The following FOXP1 variants were observed in gnomAD, a reference collection of about 807,000 sequenced individuals.
FOXP1 encodes the protein forkhead box protein P1.
A neutral mutation model predicts 98.2 loss-of-function variants in FOXP1; 15 were observed. The observed-to-expected ratio is 0.15, with a 90% CI of 0.10 to 0.24. The LOEUF (loss-of-function observed/expected upper bound fraction) is 0.24, where lower values mean the gene tolerates loss of function less well. FOXP1 is among the 10% of genes least tolerant of loss of function. The pLI is 1.00. For missense variants in FOXP1, 633 were observed against 848.5 expected (o/e 0.75, Z 3.15); for synonymous variants, 371 against 314.5 (o/e 1.18, Z -1.90).
chr3:71,284,988 AACTTTCTATTCTATGTATGTAACAT>A lies in FOXP1; in HGVS notation c.-12+14807_-12+14831del, dbSNP rs376961655. On this transcript the variant is annotated intron_variant, in intron 5 of 20. Transcript: ENST00000649528. The stretch of plus-strand genomic sequence containing the variant: ...AATCAGAAAAAATTAACTTCATAAG[AACTTTCTATTCTATGTATGTAACAT>A]ACATAGAATATTATAATGAGAACTT... 1.0e-2 allele frequency among the ~76,000 whole-genome samples: 1,522 copies of A among 152,246 alleles called. 30 individuals carry two copies. The highest frequency in any genetic ancestry group is 0.034 in the African/African-American group (1,425 of 41,556).
chr3:71,341,615 C>T lies in FOXP1; in HGVS notation c.-73+17535G>A, dbSNP rs145859575. Among the ~76,000 whole-genome samples, 118 of 152,330 alleles carry T rather than the reference C, an allele frequency of 7.7e-4. 1 individual carries two copies. Among genetic ancestry groups the T allele is most frequent in the African/African-American group, 2.7e-3 (113 of 41,574 alleles). ...TCGGGAGGCTGAAGCAGGAGAATCA[C>T]TTGAACCCAGTAGGCGGAGGTTGCT... On this transcript the variant is annotated intron_variant, in intron 4 of 20. Transcript: ENST00000649528.
Position 71,248,577 on chromosome 3 carries a change from C to T in FOXP1, c.-11-50185G>A, listed in dbSNP as rs548637211. 2.6e-5 allele frequency among the ~76,000 whole-genome samples: 4 copies of T among 152,144 alleles called. No homozygotes were observed. The East Asian group carries it at 7.7e-4, about 29-fold the overall frequency. On this transcript the variant is annotated intron_variant, in intron 5 of 20. Transcript: ENST00000649528. Reference sequence around the variant, plus strand: ...CCAACATGGTGAAACCCTGTCTCTACTAAAAATACAAAAATTAGCCAGGCA... The same window carrying T: ...CCAACATGGTGAAACCCTGTCTCTATTAAAAATACAAAAATTAGCCAGGCA...
At chr3:71,283,469 G>A (rs1013030713) in intron 5 of FOXP1, among the ~76,000 whole-genome samples, 7 of 152,206 alleles carry the variant, frequency 4.6e-5, no homozygotes, top group Non-Finnish European at 8.8e-5. Context: ...GAGAAATGGG[G>A]AGAAGCTTCT....
intron 6 of FOXP1, among the ~76,000 whole-genome samples, chr3:71,138,242 A>C (rs2059913196): frequency 6.6e-6 from 1 of 152,184 alleles, no homozygotes; most frequent in Non-Finnish European, 1.5e-5. Context: ...TGGGATTTTT[A>C]ATATTTAGGA....
At chr3:71,399,757 G>A (rs2081824508) in intron 3 of FOXP1, among the ~76,000 whole-genome samples, 1 of 152,154 alleles carries the variant, frequency 6.6e-6, no homozygotes, top group African/African-American at 2.4e-5. Flanking sequence ...AACATTAGCA[G>A]GGGCAATTTT....
intron 7 of FOXP1, 40 bp from the exon 8 acceptor site, chr3:71,053,813 C>T (rs922432760): frequency 1.2e-6 from 2 of 1,612,454 alleles, no homozygotes; most frequent in African/African-American, 2.7e-5. Context: ...GCCAGGAAAT[C>T]AGAAGCACGC....
rs1212346450 is a variant in FOXP1, at chr3:71,583,619, CCCCGCGCGCGCCCACTCCCG to C, written c.-515_-496del. On this transcript the variant is annotated 5_prime_UTR_variant, in exon 1 of 21. Transcript: ENST00000649528. ...CAAACTAAGGTGTTTTCGGGCCTTT[CCCCGCGCGCGCCCACTCCCG>C]CCCGCGCGCGCACCCCGCGCACACA... 1 of 984,354 alleles carries C rather than the reference CCCCGCGCGCGCCCACTCCCG, an allele frequency of 1.0e-6. No homozygotes were observed. Among genetic ancestry groups the C allele is most frequent in the Non-Finnish European group, 1.2e-6 (1 of 829,660 alleles). The allele number at this position is 984,354 out of a possible 1,614,324, so 61.0% of individuals were successfully genotyped here.
Position 71,583,720 on chromosome 3 carries a change from C to T in FOXP1, c.-596G>A, listed in dbSNP as rs1368063094. ...CACTCCCGGGCGAGGGCCGGGCCGC[C>T]GCGAGTACAGCGTGCAACCGCCACA... On this transcript the variant is annotated 5_prime_UTR_variant, in exon 1 of 21. Transcript: ENST00000649528. 5.1e-6 allele frequency: 5 copies of T among 984,982 alleles called. No individual in the cohort carries two copies. The highest frequency in any genetic ancestry group is 6.0e-6 in the Non-Finnish European group (5 of 829,862). 61.0% of individuals were successfully genotyped at this position (984,982 alleles called of 1,614,324 possible).
chr3:70,961,266 T>C (rs927108737), intron 20 of FOXP1, among the ~76,000 whole-genome samples: 1 of 152,208 alleles, frequency 6.6e-6, no homozygotes, highest in South Asian at 2.1e-4. Context: ...AGTCGTGCTC[T>C]GTCACCCAGG....
At chr3:71,499,727 G>A (rs1382180759) in intron 2 of FOXP1, among the ~76,000 whole-genome samples, 1 of 152,208 alleles carries the variant, frequency 6.6e-6, no homozygotes, top group East Asian at 1.9e-4. Context: ...TGTTGCAAAT[G>A]GCACCAAAAT....
intron 2 of FOXP1, among the ~76,000 whole-genome samples, chr3:71,535,619 T>C (rs2044228191): frequency 6.6e-6 from 1 of 152,124 alleles, no homozygotes; most frequent in African/African-American, 2.4e-5. Flanking sequence ...TCCCAGCTAC[T>C]TGGGAGGCTG....
chr3:71,076,328 C>T (rs1368419246), intron 7 of FOXP1, among the ~76,000 whole-genome samples: 2 of 152,170 alleles, frequency 1.3e-5, no homozygotes, highest in African/African-American at 4.8e-5. Flanking sequence ...TCTTTTCTTA[C>T]CATCATTTGA....
chr3:71,203,996 A>T (rs2063843058), intron 5 of FOXP1, among the ~76,000 whole-genome samples: 3 of 131,134 alleles, frequency 2.3e-5, no homozygotes, highest in Non-Finnish European at 5.0e-5. Flanking sequence ...AAGGAAAAGA[A>T]TGTGAATTTC....
chr3:71,248,813 T>C (rs984449939), intron 5 of FOXP1, among the ~76,000 whole-genome samples: 1 of 151,916 alleles, frequency 6.6e-6, no homozygotes, highest in Non-Finnish European at 1.5e-5. Context: ...CTCCTCATAG[T>C]TATGGTTCAG....
chr3:71,241,673 G>C (rs1262828910), intron 5 of FOXP1, among the ~76,000 whole-genome samples: 1 of 152,186 alleles, frequency 6.6e-6, no homozygotes, highest in African/African-American at 2.4e-5. Flanking sequence ...TGAAGCAGTC[G>C]AAGAAAGGGC....
At chr3:71,417,024 GTC>G (rs917508584) in intron 3 of FOXP1, among the ~76,000 whole-genome samples, 2 of 152,158 alleles carry the variant, frequency 1.3e-5, no homozygotes, top group African/African-American at 4.8e-5. Context: ...GAACCAGTCA[GTC>G]TCTGATAAAA....
intron 6 of FOXP1, among the ~76,000 whole-genome samples, chr3:71,194,826 A>G (rs2063204981): frequency 6.6e-6 from 1 of 152,258 alleles, no homozygotes; most frequent in African/African-American, 2.4e-5. Flanking sequence ...TGGCTCAGAC[A>G]TAAATAGAGT....
chr3:71,043,252 A>C (rs2048588747), intron 10 of FOXP1, among the ~76,000 whole-genome samples: 1 of 152,208 alleles, frequency 6.6e-6, no homozygotes, highest in Non-Finnish European at 1.5e-5. Context: ...TTCTCCCTTC[A>C]TAAAAATCAA....
chr3:70,990,574 A>G (rs1263405162), intron 13 of FOXP1, among the ~76,000 whole-genome samples: 1 of 152,222 alleles, frequency 6.6e-6, no homozygotes, highest in Middle Eastern at 3.2e-3. Flanking sequence ...AATTCCATGA[A>G]AAGCAAAGAA....
Sources: allele counts gnomAD v4.1 joint callset (sites outside exome capture counted in the v4.1 genomes callset), GRCh38; gene constraint gnomAD v4.1.1; transcripts MANE v1.5; gene names NCBI Gene and HGNC (gene_info 2026-07-23, HGNC 2026-07-21).